Variants in MACF1 observed in about 807,000 individuals in gnomAD.
MACF1 encodes microtubule-actin cross-linking factor 1.
Under a neutral mutation model 854.8 loss-of-function variants are expected in MACF1, and 193 were observed. The observed-to-expected ratio is 0.23, with a 90% CI of 0.20 to 0.25. MACF1 has a LOEUF of 0.25. Ranked by LOEUF, MACF1 falls within the 10% of genes least tolerant of loss-of-function variation. MACF1 has a pLI of 1.00. For synonymous variants in MACF1, 3,185 were observed against 3,226.7 expected (o/e 0.99, Z 0.44); for missense variants, 7,722 against 8,929.1 (o/e 0.86, Z 5.45).
At chr1:39,200,996 C>G (rs188803042), upstream of MACF1, among the ~76,000 whole-genome samples, 21 of 152,132 alleles carry the variant, frequency 1.4e-4, no homozygotes, top group African/African-American at 5.1e-4. Flanking sequence ...TCTACCCTGC[C>G]CCCCCAAAAA....
intron 100 of MACF1, 166 bp downstream of exon 100, chr1:39,484,896 A>T (rs1430632856): frequency 1.3e-6 from 1 of 742,976 alleles, no homozygotes; most frequent in African/African-American, 1.8e-5. Context: ...TTTTTCTGTC[A>T]TTACAGCTAG....
intron 2 of MACF1, among the ~76,000 whole-genome samples, chr1:39,192,762 CA>C (rs1410646506): frequency 6.6e-6 from 1 of 152,210 alleles, no homozygotes; most frequent in Non-Finnish European, 1.5e-5. Flanking sequence ...TCTATTGTGA[CA>C]TCTTTGTATA....
intron 6 of MACF1, among the ~76,000 whole-genome samples, chr1:39,271,404 C>T (rs905620645): frequency 5.3e-5 from 8 of 152,164 alleles, no homozygotes; most frequent in African/African-American, 1.9e-4. Flanking sequence ...CTCACGAGAA[C>T]AGCACCAAGG....
Position 39,105,294 on chromosome 1 carries a change from G to A in MACF1, c.220+20856G>A. ...GGCGGGGAGAGGGGGCGGGGAACGG[G>A]CCGGGCCTGGCGCTCCTGACAGGAG... On this transcript the variant is annotated intron_variant, in intron 2 of 93. Transcript: ENST00000361689. This position sits in a 1 kb window ranked among gnomAD's most constrained non-coding sequence, Gnocchi z 5.9. The A allele has an allele frequency of 1.7e-6, 1 of 587,048 alleles. No homozygotes were observed. Among genetic ancestry groups the A allele is most frequent in the Non-Finnish European group, 2.1e-6 (1 of 466,608 alleles). 36.4% of individuals were successfully genotyped at this position (587,048 alleles called of 1,614,324 possible). A position where few individuals can be genotyped will look rare whatever the true frequency, so the allele number is the denominator to read the frequency against.
chr1:39,477,094 C>CTTAGTGTATATATATATATATAT (rs1557675129), intron 97 of MACF1, among the ~76,000 whole-genome samples: 23 of 78,778 alleles, frequency 2.9e-4, no homozygotes, highest in African/African-American at 8.2e-4. Context: ...TATATATACA[C>CTTAGTGTATATATATATATATAT]ACACACACAT....
At chr1:39,284,944 A>G (rs1347422855) in intron 11 of MACF1, 139 bp from the exon 12 acceptor site, 1 of 1,183,166 alleles carries the variant, frequency 8.5e-7, no homozygotes, top group South Asian at 1.5e-5. Context: ...TACATATTTG[A>G]TTGTTTTTCC....
At chr1:39,129,647 G>T (rs1176795855) in intron 2 of MACF1, among the ~76,000 whole-genome samples, 2 of 152,174 alleles carry the variant, frequency 1.3e-5, no homozygotes, top group Non-Finnish European at 2.9e-5. Flanking sequence ...GACCTTAAGG[G>T]TGGCCAGGAC....
chr1:39,453,674 T>G lies in MACF1; in HGVS notation c.20743-33T>G, dbSNP rs688320. The stretch of plus-strand genomic sequence containing the variant: ...TAACAGTGCTGCTAATGTAGACTTT[T>G]TACGTTTTTGTTTTCAAATCTTTTT... On this transcript the variant is annotated intron_variant, in intron 87 of 100. Transcript: ENST00000564288. The G allele has an allele frequency of 0.041, 65,530 of 1,607,684 alleles. 2,486 individuals carry two copies. Among genetic ancestry groups the G allele is most frequent in the African/African-American group, 0.16 (12,343 of 74,824 alleles).
chr1:39,191,932 C>T (rs1217624115), intron 2 of MACF1, among the ~76,000 whole-genome samples: 1 of 152,148 alleles, frequency 6.6e-6, no homozygotes, highest in Non-Finnish European at 1.5e-5. Context: ...AGGTGGATCA[C>T]TTGAGGCCAG....
chr1:39,406,832 G>T (rs186097316), intron 58 of MACF1, among the ~76,000 whole-genome samples: 1 of 151,714 alleles, frequency 6.6e-6, no homozygotes, highest in African/African-American at 2.4e-5. Flanking sequence ...AACCAGAGGG[G>T]CCCTGGCATG....
intron 44 of MACF1, among the ~76,000 whole-genome samples, 186 bp downstream of exon 44, chr1:39,353,417 T>C (rs114263702): frequency 3.0e-4 from 45 of 152,338 alleles, no homozygotes; most frequent in African/African-American, 1.1e-3. Flanking sequence ...TCCATAATAC[T>C]ACTCTGCCCT....
chr1:39,382,069 A>C lies in MACF1; in HGVS notation c.13765A>C (p.Met4589Leu), dbSNP rs763091084. Residue 4589 changes from methionine to leucine, a missense_variant, in exon 56 of 101, where the codon ATG (methionine) becomes CTG (leucine). Physicochemically the swap from Met to Leu is conservative, Grantham distance 15. Transcript: ENST00000564288. Reference sequence around the variant, plus strand: ...AGAATCCCAGCTCCGGCCGTGGCTGATGGAGAAAGAACTGATGATGGGAGT... The same window carrying C: ...AGAATCCCAGCTCCGGCCGTGGCTGCTGGAGAAAGAACTGATGATGGGAGT... ...AAESQLRPWL[M>L]EKELMMGVLG... 6.2e-6 allele frequency: 10 copies of C among 1,614,160 alleles called. No homozygotes were observed. Among genetic ancestry groups the C allele is most frequent in the Non-Finnish European group, 8.5e-7 (1 of 1,180,018 alleles).
chr1:39,442,904 T>TGCA lies in MACF1; in HGVS notation c.19300_19302dup (p.Gln6434dup). The TGCA allele has an allele frequency of 6.2e-7, 1 of 1,613,456 alleles. No individual in the cohort carries two copies. Among genetic ancestry groups the TGCA allele is most frequent in the South Asian group, 1.1e-5 (1 of 90,910 alleles). On this transcript the variant is annotated inframe_insertion, in exon 78 of 101. Transcript: ENST00000564288. Reference sequence around the variant, plus strand: ...AGGGAGCAGCAGCTTCAGTCAACTCTGCAGCAGGTACATGTGACATCCAAG... The same window carrying TGCA: ...AGGGAGCAGCAGCTTCAGTCAACTCTGCAGCAGCAGGTACATGTGACATCCAAG...
chr1:39,337,112 C>A, intron 37 of MACF1, 70 bp from the exon 38 acceptor site: 1 of 1,481,232 alleles, frequency 6.8e-7, no homozygotes, highest in Non-Finnish European at 9.1e-7. Context: ...TAACAAAAAC[C>A]CCTGCCTGCT....
intron 97 of MACF1, among the ~76,000 whole-genome samples, chr1:39,473,032 G>A (rs1050423120): frequency 6.6e-6 from 1 of 152,190 alleles, no homozygotes; most frequent in South Asian, 2.1e-4. Context: ...TGCATCTCTG[G>A]CCAGTGAAAT....
intron 93 of MACF1, among the ~76,000 whole-genome samples, chr1:39,462,472 A>G (rs1370080866): frequency 6.6e-6 from 1 of 152,062 alleles, no homozygotes; most frequent in East Asian, 1.9e-4. Context: ...TGGGAGGCCA[A>G]CACGGGAGGA....
At chr1:39,139,087 T>C (rs1643258611) in intron 2 of MACF1, among the ~76,000 whole-genome samples, 2 of 152,244 alleles carry the variant, frequency 1.3e-5, no homozygotes, top group Non-Finnish European at 2.9e-5. Context: ...GCATATGATG[T>C]AGCTGGCTCT....
At chr1:39,203,306 C>G (rs1644414259), upstream of MACF1, among the ~76,000 whole-genome samples, 1 of 152,092 alleles carries the variant, frequency 6.6e-6, no homozygotes, top group African/African-American at 2.4e-5. Flanking sequence ...GGGCTCAAGC[C>G]ATCTTCCCAC....
chr1:39,347,898 T>G (rs190779475), intron 41 of MACF1, among the ~76,000 whole-genome samples: 6 of 152,212 alleles, frequency 3.9e-5, no homozygotes, highest in African/African-American at 1.4e-4. Context: ...CCATCACAAC[T>G]CTCTTCTTGC....
Sources: allele counts gnomAD v4.1 joint callset (sites outside exome capture counted in the v4.1 genomes callset), GRCh38; gene constraint gnomAD v4.1.1; non-coding constraint Gnocchi (gnomAD v3.1); transcripts MANE v1.5; gene names NCBI Gene and HGNC (gene_info 2026-07-23, HGNC 2026-07-21).